The following CLIP1 variants were observed in gnomAD, a reference collection of about 807,000 sequenced individuals.
CLIP1 encodes the protein CAP-Gly domain containing linker protein 1, also known as CAP-Gly domain-containing linker protein 1.
Under a neutral mutation model 161.6 loss-of-function variants are expected in CLIP1, and 66 were observed. That is an observed-to-expected ratio of 0.41 (90% CI 0.33 to 0.50). The LOEUF is 0.50. Ranked by LOEUF, CLIP1 falls within the 20% of genes least tolerant of loss-of-function variation. The probability of loss-of-function intolerance (pLI) is 0.27; values close to 1 mark genes in which losing one functional copy is unlikely to be tolerated. For synonymous variants in CLIP1, 598 were observed against 626.2 expected (o/e 0.96, Z 0.67); for missense variants, 1,376 against 1,702.0 (o/e 0.81, Z 3.37).
chr12:122,282,285 T>C (rs1038176663), intron 21 of CLIP1, among the ~76,000 whole-genome samples: 3 of 152,158 alleles, frequency 2.0e-5, no homozygotes, highest in Non-Finnish European at 2.9e-5. Context: ...ATTAAACCAT[T>C]GTCTATGCCA....
At chr12:122,397,321 C>G (rs1211857982) in intron 1 of CLIP1, among the ~76,000 whole-genome samples, 2 of 104,430 alleles carry the variant, frequency 1.9e-5, no homozygotes, top group Non-Finnish European at 5.1e-5. Context: ...TGGAAGAGTT[C>G]AGGCGTGTGG....
At position 122,376,624 on chromosome 12, in the gene CLIP1, G is replaced by A. The variant is rs1314325998; in HGVS notation, c.657+765C>T. ...TGGGACTACAGGCGCATGCCACCAT[G>A]CCCGGCTAATTTTTTTTGTATTTTT... On this transcript the variant is annotated intron_variant, in intron 3 of 25. Coordinates refer to ENST00000620786, the MANE Select transcript of CLIP1 (RefSeq NM_001247997.2). 4.6e-5 allele frequency among the ~76,000 whole-genome samples: 7 copies of A among 151,388 alleles called. No individual in the cohort carries two copies. The East Asian group carries it at 1.4e-3, about 30-fold the overall frequency.
At position 122,355,997 on chromosome 12, in the gene CLIP1, C is replaced by G. The variant is rs905923748; in HGVS notation, c.1006-685G>C. ...CTTCTCTTCATCGGTTTCCCTAGGC[C>G]CTTACTGCAAGATGCACAGGATGCA... On this transcript the variant is annotated intron_variant, in intron 5 of 25. Coordinates refer to ENST00000620786, the MANE Select transcript of CLIP1 (RefSeq NM_001247997.2). The surrounding 1 kb of genome is among the most constrained non-coding windows in gnomAD (Gnocchi z 4.1). 5 of 152,186 alleles carry G rather than the reference C, an allele frequency of 3.3e-5. No homozygotes were observed. The highest frequency in any genetic ancestry group is 7.3e-5 in the Non-Finnish European group (5 of 68,042). The allele number at this position is 152,186 out of a possible 1,614,324, so 9.4% of individuals were successfully genotyped here.
At chr12:122,397,204 G>A (rs1955946063) in intron 1 of CLIP1, among the ~76,000 whole-genome samples, 1 of 151,972 alleles carries the variant, frequency 6.6e-6, no homozygotes, top group South Asian at 2.1e-4. Flanking sequence ...CTAGCCCAGA[G>A]GAACCTACTG....
At chr12:122,351,007 G>T in intron 9 of CLIP1, 104 bp downstream of exon 9, 3 of 819,124 alleles carry the variant, frequency 3.7e-6, no homozygotes, top group South Asian at 1.8e-5. Context: ...AATGTCCCAA[G>T]GTCAGATTAT....
chr12:122,415,306 C>G (rs1475696358), intron 1 of CLIP1, among the ~76,000 whole-genome samples: 1 of 147,266 alleles, frequency 6.8e-6, no homozygotes, highest in Non-Finnish European at 1.5e-5. Flanking sequence ...ACAGTGAAAC[C>G]CCATCTCTAC....
intron 12 of CLIP1, among the ~76,000 whole-genome samples, chr12:122,335,016 G>A (rs539100455): frequency 3.3e-5 from 5 of 152,284 alleles, no homozygotes; most frequent in African/African-American, 1.2e-4. Context: ...TAGGGTGCAC[G>A]TGCATGCTTC....
chr12:122,398,021 T>C (rs1160185063), intron 1 of CLIP1, among the ~76,000 whole-genome samples: 4 of 151,730 alleles, frequency 2.6e-5, no homozygotes, highest in Non-Finnish European at 4.4e-5. Context: ...TGGGCTTATA[T>C]GGTATAGTGG....
At position 122,355,536 on chromosome 12, in the gene CLIP1, C is replaced by T. The variant is rs141596895; in HGVS notation, c.1006-224G>A. On this transcript the variant is annotated intron_variant, in intron 5 of 25. Transcript: ENST00000620786. This position sits in a 1 kb window ranked among gnomAD's most constrained non-coding sequence, Gnocchi z 4.1. Reference sequence around the variant, plus strand: ...TCAACGTAAAGAGATCAGCCAGGTGCGGTGGCTCATGCCTGTAATCCTAGC... The same window carrying T: ...TCAACGTAAAGAGATCAGCCAGGTGTGGTGGCTCATGCCTGTAATCCTAGC... 102 of 513,792 alleles carry T rather than the reference C, an allele frequency of 2.0e-4. No individual in the cohort carries two copies. Among genetic ancestry groups the T allele is most frequent in the African/African-American group, 1.4e-3 (75 of 51,910 alleles). 31.8% of individuals were successfully genotyped at this position (513,792 alleles called of 1,614,324 possible). A position where few individuals can be genotyped will look rare whatever the true frequency, so the allele number is the denominator to read the frequency against.
At chr12:122,278,593 A>T (rs1169928939) in intron 23 of CLIP1, 199 bp downstream of exon 23, 1 of 569,812 alleles carries the variant, frequency 1.8e-6, no homozygotes, top group Non-Finnish European at 3.0e-6. Flanking sequence ...TTGTGACAAT[A>T]TTGACAGACC....
At chr12:122,324,968 G>T (rs1566117703) in intron 17 of CLIP1, among the ~76,000 whole-genome samples, 1 of 143,594 alleles carries the variant, frequency 7.0e-6, no homozygotes, top group African/African-American at 2.5e-5. Context: ...AAAAGGAATA[G>T]TTTTTTTTTT....
At position 122,364,230 on chromosome 12, in the gene CLIP1, CT is replaced by C; in HGVS notation, c.658-124del. On this transcript the variant is annotated intron_variant, in intron 3 of 25. Transcript: ENST00000620786. ...TCCACCAGCAACTTCTTTGCTTTAG[CT>C]TCTCTTTGACTCTAAGAGTTCTCTT... The C allele has an allele frequency of 2.5e-6, 3 of 1,189,718 alleles. No homozygotes were observed. In the South Asian group the frequency reaches 4.3e-5, roughly 17 times the overall value. The allele number at this position is 1,189,718 out of a possible 1,614,324, so 73.7% of individuals were successfully genotyped here. A position where few individuals can be genotyped will look rare whatever the true frequency, so the allele number is the denominator to read the frequency against.
rs1954821071 is a variant in CLIP1 at position 122,377,909 on chromosome 12, G to A, written c.137C>T (p.Pro46Leu). 11 of 1,613,794 alleles carry A rather than the reference G, an allele frequency of 6.8e-6. No individual in the cohort carries two copies. Among genetic ancestry groups the A allele is most frequent in the Non-Finnish European group, 9.3e-6 (11 of 1,179,954 alleles). The stretch of plus-strand genomic sequence containing the variant: ...AAATTCCTCCTGAGTCTCAGATGAT[G>A]GAGTGCTTGATGCTTTTTCACTGGA... ...TISSEKASST[P>L]SSETQEEFVD... is the part of the protein sequence containing the mutation. The change falls in exon 3 of 26, where the codon CCA (proline) becomes CTA (leucine). Residue 46 changes from proline (P) to leucine (L), a missense_variant. Physicochemically the swap from Pro to Leu is moderately conservative, Grantham distance 98. Coordinates refer to ENST00000620786, the MANE Select transcript of CLIP1 (RefSeq NM_001247997.2).
chr12:122,314,255 C>T (rs1200433403), intron 19 of CLIP1, among the ~76,000 whole-genome samples: 1 of 145,478 alleles, frequency 6.9e-6, no homozygotes, highest in Non-Finnish European at 1.5e-5. Flanking sequence ...TGCACCACTG[C>T]ACTCTAGCCT....
Position 122,355,351 on chromosome 12 carries a change from T to C in CLIP1, c.1006-39A>G, listed in dbSNP as rs762100365. ...TTAGAGAAATGAAGGGCGATGATGC[T>C]GTCAGAAAAGCGAGGGAGGCGCGAT... On this transcript the variant is annotated intron_variant, in intron 5 of 25. Transcript: ENST00000620786. This position sits in a 1 kb window ranked among gnomAD's most constrained non-coding sequence, Gnocchi z 4.1. 4 of 1,587,368 alleles carry C rather than the reference T, an allele frequency of 2.5e-6. No individual in the cohort carries two copies. Among genetic ancestry groups the C allele is most frequent in the Admixed American group, 1.7e-5 (1 of 59,362 alleles).
intron 3 of CLIP1, among the ~76,000 whole-genome samples, chr12:122,369,702 G>A (rs2136681009): frequency 6.6e-6 from 1 of 152,020 alleles, no homozygotes; most frequent in Admixed American, 6.6e-5. Flanking sequence ...AAACAGGGTA[G>A]TGTGACACTG....
At chr12:122,407,526 C>G (rs1215262267) in intron 1 of CLIP1, among the ~76,000 whole-genome samples, 1 of 151,638 alleles carries the variant, frequency 6.6e-6, no homozygotes. Context: ...CTGGGCAACA[C>G]GGCAAAACTC....
At chr12:122,375,180 A>G (rs550342106) in intron 3 of CLIP1, among the ~76,000 whole-genome samples, 6 of 152,180 alleles carry the variant, frequency 3.9e-5, no homozygotes, top group Admixed American at 2.0e-4. Context: ...AAAAATCACT[A>G]AATTCTGAGG....
In CLIP1 at chr12:122,311,226, T is replaced by A. The variant is rs143221044; in HGVS notation, c.3474-1344A>T. On this transcript the variant is annotated intron_variant, in intron 19 of 25. Transcript: ENST00000620786. This position sits in a 1 kb window ranked among gnomAD's most constrained non-coding sequence, Gnocchi z 4.3. ...TAAAATTACCATAAGCTAAACATATTTCCCAGGTGGTCACTGCCTTCATGA... is the reference window on the plus strand; with the variant it reads ...TAAAATTACCATAAGCTAAACATATATCCCAGGTGGTCACTGCCTTCATGA... Among the ~76,000 whole-genome samples, 555 of 152,154 alleles carry A rather than the reference T, an allele frequency of 3.6e-3. 4 individuals are homozygous for A. The highest frequency in any genetic ancestry group is 0.013 in the African/African-American group (530 of 41,508).
Sources: allele counts gnomAD v4.1 joint callset (sites outside exome capture counted in the v4.1 genomes callset), GRCh38; gene constraint gnomAD v4.1.1; non-coding constraint Gnocchi (gnomAD v3.1); transcripts MANE v1.5; gene names NCBI Gene and HGNC (gene_info 2026-07-23, HGNC 2026-07-21).